The following MON1B variants were observed in gnomAD, a reference collection of about 807,000 sequenced individuals.
The protein encoded by MON1B is vacuolar fusion protein MON1 homolog B.
Under a neutral mutation model 45.1 loss-of-function variants are expected in MON1B, and 26 were observed. The ratio of observed to expected loss-of-function variants is 0.58; its 90% CI spans 0.42 to 0.80. The LOEUF (loss-of-function observed/expected upper bound fraction) is 0.80. MON1B is among the 30% of genes least tolerant of loss of function. The pLI, the probability that MON1B is intolerant of heterozygous loss-of-function variation, is 0.00. For synonymous variants in MON1B, 395 were observed against 320.2 expected (o/e 1.23, Z -2.49); for missense variants, 737 against 754.5 (o/e 0.98, Z 0.27).
chr16:77,197,064 G>C (rs2054672046), intron 5 of MON1B, among the ~76,000 whole-genome samples: 1 of 151,944 alleles, frequency 6.6e-6, no homozygotes, highest in African/African-American at 2.4e-5. Flanking sequence ...CCTTTTAGTA[G>C]AGATTGGAAT....
Position 77,200,746 on chromosome 16 carries a change from C to CAAAAAA in MON1B, c.*2452_*2457dup, listed in dbSNP as rs11344903. 204 of 83,558 alleles carry CAAAAAA rather than the reference C, an allele frequency of 2.4e-3. No homozygotes were observed. The highest frequency in any genetic ancestry group is 0.013 in the Middle Eastern group (2 of 154). The allele number at this position is 83,558 out of a possible 1,614,324, so 5.2% of individuals were successfully genotyped here. On this transcript the variant is annotated 3_prime_UTR_variant, in exon 6 of 6. Transcript: ENST00000248248. Reference sequence around the variant, plus strand: ...ACTCCAGCGCGGAAGACAGAGTGAGCAAAAAAAAAAAAAAAAAAAGAAAAA... The same window carrying CAAAAAA: ...ACTCCAGCGCGGAAGACAGAGTGAGCAAAAAAAAAAAAAAAAAAAAAAAAAGAAAAA...
Position 77,194,267 on chromosome 16 carries a change from C to T in MON1B, c.476-68C>T. 1 of 1,376,662 alleles carries T rather than the reference C, an allele frequency of 7.3e-7. No individual in the cohort carries two copies. The highest frequency in any genetic ancestry group is 1.2e-5 in the South Asian group (1 of 86,034). The allele number at this position is 1,376,662 out of a possible 1,614,324, so 85.3% of individuals were successfully genotyped here. On this transcript the variant is annotated intron_variant, in intron 3 of 5. Transcript: ENST00000248248. This position sits in a 1 kb window ranked among gnomAD's most constrained non-coding sequence, Gnocchi z 8.1. ...TGTATGGTAGGAGAGGGCAGAAGAGCCCCACTGTCTCCCTCTGGTCATTCC... is the reference window on the plus strand; with the variant it reads ...TGTATGGTAGGAGAGGGCAGAAGAGTCCCACTGTCTCCCTCTGGTCATTCC...
intron 4 of MON1B, 120 bp from the exon 5 acceptor site, chr16:77,195,415 A>G: frequency 2.3e-6 from 3 of 1,299,928 alleles, no homozygotes; most frequent in Non-Finnish European, 3.1e-6. Context: ...AGAATCCTCA[A>G]GTCTCATGGG....
chr16:77,194,469 G>T lies in MON1B; in HGVS notation c.610G>T (p.Ala204Ser). The T allele has an allele frequency of 3.7e-6, 6 of 1,614,130 alleles. No homozygotes were observed. The highest frequency in any genetic ancestry group is 5.1e-6 in the Non-Finnish European group (6 of 1,180,012). Residue 204 changes from alanine to serine, a missense_variant, in exon 4 of 6, where the codon GCA becomes TCA. Physicochemically the swap from Ala to Ser is moderately conservative, Grantham distance 99. Coordinates refer to ENST00000248248, the MANE Select transcript of MON1B (RefSeq NM_014940.4). This position sits in a 1 kb window ranked among gnomAD's most constrained non-coding sequence, Gnocchi z 8.1. Reference sequence around the variant, plus strand: ...ACAGATCGTGAGCACACTTACACGTGCAAGTGTCGCCCGCATCTTCGCACA... The same window carrying T: ...ACAGATCGTGAGCACACTTACACGTTCAAGTGTCGCCCGCATCTTCGCACA... ...HAQIVSTLTR[A>S]SVARIFAHKQ...
intron 4 of MON1B, 33 bp downstream of exon 4, chr16:77,195,187 G>A: frequency 6.7e-7 from 1 of 1,490,338 alleles, no homozygotes; most frequent in Non-Finnish European, 8.9e-7. Flanking sequence ...CTGGCTGGGT[G>A]GGAAGGCCTG....
rs1370150362 is a variant in MON1B at position 77,194,659 on chromosome 16, G to A, written c.800G>A (p.Arg267His). Reference protein sequence around the residue: ...LRDALGALLRRCTAPGLALSV... With the variant: ...LRDALGALLRHCTAPGLALSV... ...GACGCACTAGGTGCGCTCCTCCGAC[G>A]TTGCACAGCGCCTGGCCTGGCGCTG... The change falls in exon 4 of 6, where the codon CGT becomes CAT. Residue 267 changes from arginine (R) to histidine (H), a missense_variant. By Grantham distance (29) the Arg-to-His change is conservative. Transcript: ENST00000248248. The surrounding 1 kb of genome is among the most constrained non-coding windows in gnomAD (Gnocchi z 8.1). 7.4e-6 allele frequency: 12 copies of A among 1,613,870 alleles called. No individual in the cohort carries two copies. The highest frequency in any genetic ancestry group is 4.4e-5 in the South Asian group (4 of 91,066).
In MON1B at chr16:77,191,546, A is replaced by T. The variant is rs1204170760; in HGVS notation, c.61A>T (p.Thr21Ser). 1 of 1,609,166 alleles carries T rather than the reference A, an allele frequency of 6.2e-7. No homozygotes were observed. Among genetic ancestry groups the T allele is most frequent in the Non-Finnish European group, 8.5e-7 (1 of 1,178,704 alleles). ...CGGGGGCGCGGAGGACTTGGAGGAC[A>T]CGCAGTTCCCCAGTGAGGAAGCTAG... ...APGGAEDLED[T>S]QFPSEEAREG... The change falls in exon 2 of 6, where the codon ACG becomes TCG. Residue 21 changes from threonine to serine, a missense_variant. Thr to Ser is a moderately conservative substitution (Grantham distance 58). Coordinates refer to ENST00000248248, the MANE Select transcript of MON1B (RefSeq NM_014940.4).
In MON1B at chr16:77,200,291, T is replaced by TATATATATATATATATGTATATATAC; in HGVS notation, c.*1984_*1985insTATATATATATATATGTATATATACA. On this transcript the variant is annotated 3_prime_UTR_variant, in exon 6 of 6. Coordinates refer to ENST00000248248, the MANE Select transcript of MON1B (RefSeq NM_014940.4). ...ATATATGTGTATATATATATATATA[T>TATATATATATATATATGTATATATAC]ACACACACTAATCAGCCGGGCGCGG... 9.0e-6 allele frequency: 1 copy of TATATATATATATATATGTATATATAC among 111,430 alleles called. No individual in the cohort carries two copies. Among genetic ancestry groups the TATATATATATATATATGTATATATAC allele is most frequent in the Non-Finnish European group, 1.9e-5 (1 of 52,240 alleles). The allele number at this position is 111,430 out of a possible 1,614,324, so 6.9% of individuals were successfully genotyped here.
chr16:77,200,291 T>TATATATATATATATATATATACATACAC lies in MON1B; in HGVS notation c.*1984_*1985insTATATATATATATATATATACATACACA. The TATATATATATATATATATATACATACAC allele has an allele frequency of 9.0e-6, 1 of 111,430 alleles. No homozygotes were observed. The highest frequency in any genetic ancestry group is 3.4e-5 in the African/African-American group (1 of 29,728). 6.9% of individuals were successfully genotyped at this position (111,430 alleles called of 1,614,324 possible). A position where few individuals can be genotyped will look rare whatever the true frequency, so the allele number is the denominator to read the frequency against. ...ATATATGTGTATATATATATATATATACACACACTAATCAGCCGGGCGCGG... is the reference window on the plus strand; with the variant it reads ...ATATATGTGTATATATATATATATATATATATATATATATATATATACATACACACACACACTAATCAGCCGGGCGCGG... On this transcript the variant is annotated 3_prime_UTR_variant, in exon 6 of 6. Coordinates refer to ENST00000248248, the MANE Select transcript of MON1B (RefSeq NM_014940.4).
rs371785584 is a variant in MON1B at position 77,193,330 on chromosome 16, T to A, written c.149-121T>A. On this transcript the variant is annotated intron_variant, in intron 2 of 5. Coordinates refer to ENST00000248248, the MANE Select transcript of MON1B (RefSeq NM_014940.4). The surrounding 1 kb of genome is among the most constrained non-coding windows in gnomAD (Gnocchi z 5.0). The stretch of plus-strand genomic sequence containing the variant: ...GTCATTGAGGGGCATAGGAGACACT[T>A]GGAGTTCTGCGTCAGCATGCAGGGG... 1.3e-3 allele frequency: 1,182 copies of A among 934,494 alleles called. 16 individuals are homozygous for A. The South Asian group carries it at 0.019, about 15-fold the overall frequency. The allele number at this position is 934,494 out of a possible 1,614,324, so 57.9% of individuals were successfully genotyped here.
At chr16:77,192,744 A>T (rs1306919412) in intron 2 of MON1B, among the ~76,000 whole-genome samples, 1 of 152,058 alleles carries the variant, frequency 6.6e-6, no homozygotes, top group Admixed American at 6.6e-5. Flanking sequence ...GGATCAGGGC[A>T]GTCATGGAGG....
At position 77,199,318 on chromosome 16, in the gene MON1B, G is replaced by T. The variant is rs576698148; in HGVS notation, c.*1010G>T. On this transcript the variant is annotated 3_prime_UTR_variant, in exon 6 of 6. Transcript: ENST00000248248. ...CCGCAGTGTGTTCTGCGCCTGCCCA[G>T]AGCTGACTCCTGATTTAACCGCTGG... 1.2e-6 allele frequency: 1 copy of T among 812,774 alleles called. No homozygotes were observed. The highest frequency in any genetic ancestry group is 1.7e-5 in the African/African-American group (1 of 57,864). The allele number at this position is 812,774 out of a possible 1,614,324, so 50.3% of individuals were successfully genotyped here. A position where few individuals can be genotyped will look rare whatever the true frequency, so the allele number is the denominator to read the frequency against.
chr16:77,192,546 G>A (rs2054625086), intron 2 of MON1B, among the ~76,000 whole-genome samples: 1 of 152,130 alleles, frequency 6.6e-6, no homozygotes, highest in Non-Finnish European at 1.5e-5. Flanking sequence ...AGGGGCAATG[G>A]AAGTCATTAA....
chr16:77,199,360 A>T lies in MON1B; in HGVS notation c.*1052A>T. 1 of 1,312,026 alleles carries T rather than the reference A, an allele frequency of 7.6e-7. No homozygotes were observed. The highest frequency in any genetic ancestry group is 1.3e-5 in the South Asian group (1 of 76,834). 81.3% of individuals were successfully genotyped at this position (1,312,026 alleles called of 1,614,324 possible). A position where few individuals can be genotyped will look rare whatever the true frequency, so the allele number is the denominator to read the frequency against. On this transcript the variant is annotated 3_prime_UTR_variant, in exon 6 of 6. Transcript: ENST00000248248. ...AACCGCTGGCGTAACCGCGGGTTGC[A>T]CGCATGCGTGCTGAAAAGCCTTTCA...
Position 77,195,653 on chromosome 16 carries a change from G to C in MON1B, c.1414G>C (p.Val472Leu). The change falls in exon 5 of 6, where the codon GTG becomes CTG. Residue 472 changes from valine (V) to leucine (L), a missense_variant. Transcript: ENST00000248248. The part of the protein sequence containing the change: ...TSRPLRLIYH[V>L]AEKETLLAWV... ...CCGACCCCTGCGCCTCATTTACCAC[G>C]TGGCTGAGAAGGAGACACTACTGGC... 1 of 1,614,080 alleles carries C rather than the reference G, an allele frequency of 6.2e-7. No individual in the cohort carries two copies. The highest frequency in any genetic ancestry group is 8.5e-7 in the Non-Finnish European group (1 of 1,180,010).
At chr16:77,191,664 G>A (rs2142495057) in intron 2 of MON1B, 31 bp downstream of exon 2, 1 of 1,593,584 alleles carries the variant, frequency 6.3e-7, no homozygotes, top group Non-Finnish European at 8.5e-7. Flanking sequence ...GTCTTAAAAG[G>A]AATCCTTAGG....
rs2142506823 is a variant in MON1B at position 77,199,873 on chromosome 16, CACACCTAACACATATG to C, written c.*1570_*1585del. ...ACAGTAATTCCCAGTGTCGCCATTT[CACACCTAACACATATG>C]ACACTTTGATGGACTCTTAAACCTC... On this transcript the variant is annotated 3_prime_UTR_variant, in exon 6 of 6. Coordinates refer to ENST00000248248, the MANE Select transcript of MON1B (RefSeq NM_014940.4). 5.3e-6 allele frequency: 1 copy of C among 188,184 alleles called. No homozygotes were observed. Among genetic ancestry groups the C allele is most frequent in the Non-Finnish European group, 1.1e-5 (1 of 91,198 alleles). The allele number at this position is 188,184 out of a possible 1,614,324, so 11.7% of individuals were successfully genotyped here.
chr16:77,193,384 G>A lies in MON1B; in HGVS notation c.149-67G>A, dbSNP rs2054632701. The A allele has an allele frequency of 7.0e-7, 1 of 1,436,480 alleles. No homozygotes were observed. Among genetic ancestry groups the A allele is most frequent in the South Asian group, 1.4e-5 (1 of 73,288 alleles). 89.0% of individuals were successfully genotyped at this position (1,436,480 alleles called of 1,614,324 possible). On this transcript the variant is annotated intron_variant, in intron 2 of 5. Coordinates refer to ENST00000248248, the MANE Select transcript of MON1B (RefSeq NM_014940.4). This position sits in a 1 kb window ranked among gnomAD's most constrained non-coding sequence, Gnocchi z 5.0. ...TGGAGGGGCTAGTAGATATTTGGTGGGTCCTTGGGGATGTGGGATTAGTTA... is the reference window on the plus strand; with the variant it reads ...TGGAGGGGCTAGTAGATATTTGGTGAGTCCTTGGGGATGTGGGATTAGTTA...
rs909430346 is a variant in MON1B at position 77,200,720 on chromosome 16, C to A, written c.*2412C>A. 1 of 136,990 alleles carries A rather than the reference C, an allele frequency of 7.3e-6. No individual in the cohort carries two copies. The highest frequency in any genetic ancestry group is 2.8e-5 in the African/African-American group (1 of 35,738). 8.5% of individuals were successfully genotyped at this position (136,990 alleles called of 1,614,324 possible). A position where few individuals can be genotyped will look rare whatever the true frequency, so the allele number is the denominator to read the frequency against. On this transcript the variant is annotated 3_prime_UTR_variant, in exon 6 of 6. Coordinates refer to ENST00000248248, the MANE Select transcript of MON1B (RefSeq NM_014940.4). ...ATCGTGAGCTGACATTGCGCCACTG[C>A]ACTCCAGCGCGGAAGACAGAGTGAG... is the stretch of plus-strand genomic sequence containing the variant.
Sources: allele counts gnomAD v4.1 joint callset (sites outside exome capture counted in the v4.1 genomes callset), GRCh38; gene constraint gnomAD v4.1.1; non-coding constraint Gnocchi (gnomAD v3.1); transcripts MANE v1.5; gene names NCBI Gene and HGNC (gene_info 2026-07-23, HGNC 2026-07-21).